The following PIM2 variants were observed in gnomAD, a reference collection of about 807,000 sequenced individuals.
The protein encoded by PIM2 is Pim-2 proto-oncogene, serine/threonine kinase, also known as serine/threonine-protein kinase pim-2.
A neutral mutation model predicts 18.0 loss-of-function variants in PIM2; 3 were observed. The observed-to-expected ratio is 0.17, with a 90% CI of 0.08 to 0.43. The LOEUF is 0.43. Ranked by LOEUF, PIM2 falls within the 20% of genes least tolerant of loss-of-function variation. The pLI is 0.99. For missense variants in PIM2, 181 were observed against 260.8 expected (o/e 0.69, Z 2.11); for synonymous variants, 117 against 105.3 (o/e 1.11, Z -0.68).
rs1013178444 is a variant in PIM2 at position 48,914,063 on chromosome X, C to T, written c.*68G>A. ...TAAAACCAAGTCAACAAATGTCCAT[C>T]TATCCCTGTGACATGGCCATGGGAT... is the stretch of plus-strand genomic sequence containing the variant. On this transcript the variant is annotated 3_prime_UTR_variant, in exon 6 of 6. Transcript: ENST00000376509. The T allele has an allele frequency of 6.2e-6, 4 of 646,585 alleles. No homozygotes were observed. The highest frequency in any genetic ancestry group is 4.1e-5 in the Admixed American group (1 of 24,400). 53.3% of individuals were successfully genotyped at this position (646,585 alleles called of 1,213,427 possible). A position where few individuals can be genotyped will look rare whatever the true frequency, so the allele number is the denominator to read the frequency against.
chrX:48,918,743 G>A, intron 1 of PIM2, 31 bp downstream of exon 1: 1 of 1,172,106 alleles, frequency 8.5e-7, no homozygotes, highest in Non-Finnish European at 1.2e-6. Context: ...AGCCCACCCC[G>A]TCTGGTTGCA....
Position 48,913,599 on chromosome X carries a change from A to G in PIM2, c.*532T>C, listed in dbSNP as rs1445370496. Reference sequence around the variant, plus strand: ...AGAAGCCTTGGGGTAACAACAGGGCATTACCTCCCCCAGAATAAAGAATCC... The same window carrying G: ...AGAAGCCTTGGGGTAACAACAGGGCGTTACCTCCCCCAGAATAAAGAATCC... On this transcript the variant is annotated 3_prime_UTR_variant, in exon 6 of 6. Coordinates refer to ENST00000376509, the MANE Select transcript of PIM2 (RefSeq NM_006875.4). 1 of 106,322 alleles carries G rather than the reference A, an allele frequency of 9.4e-6. No individual in the cohort carries two copies. The highest frequency in any genetic ancestry group is 1.9e-5 in the Non-Finnish European group (1 of 51,663). 8.8% of individuals were successfully genotyped at this position (106,322 alleles called of 1,213,427 possible).
Position 48,918,938 on chromosome X carries a change from G to T in PIM2, c.-104C>A. The T allele has an allele frequency of 1.5e-6, 1 of 678,418 alleles. No homozygotes were observed. The highest frequency in any genetic ancestry group is 2.2e-6 in the Non-Finnish European group (1 of 453,633). 55.9% of individuals were successfully genotyped at this position (678,418 alleles called of 1,213,427 possible). ...GGAGCCAGGGCTGGGGGGCGCCAGG[G>T]TGGAAAGCAGAGAAACTGGTGGCCC... On this transcript the variant is annotated 5_prime_UTR_variant, in exon 1 of 6. Transcript: ENST00000376509.
At chrX:48,915,488 C>T (rs2063560761) in intron 3 of PIM2, 96 bp from the exon 4 acceptor site, 1 of 880,119 alleles carries the variant, frequency 1.1e-6, no homozygotes, top group African/African-American at 2.0e-5. Context: ...ACTCAGGGCC[C>T]CTTTTCCTGA....
rs1360668114 is a variant in PIM2 at position 48,913,604 on chromosome X, C to G, written c.*527G>C. ...CCTTGGGGTAACAACAGGGCATTACCTCCCCCAGAATAAAGAATCCTGGGC... is the reference window on the plus strand; with the variant it reads ...CCTTGGGGTAACAACAGGGCATTACGTCCCCCAGAATAAAGAATCCTGGGC... On this transcript the variant is annotated 3_prime_UTR_variant, in exon 6 of 6. Coordinates refer to ENST00000376509, the MANE Select transcript of PIM2 (RefSeq NM_006875.4). The G allele has an allele frequency of 9.3e-6, 1 of 107,039 alleles. No individual in the cohort carries two copies. The highest frequency in any genetic ancestry group is 1.9e-5 in the Non-Finnish European group (1 of 51,870). 8.8% of individuals were successfully genotyped at this position (107,039 alleles called of 1,213,427 possible). A position where few individuals can be genotyped will look rare whatever the true frequency, so the allele number is the denominator to read the frequency against.
At chrX:48,915,723 C>A in intron 3 of PIM2, 1 of 181,116 alleles carries the variant, frequency 5.5e-6, no homozygotes, top group Non-Finnish European at 1.0e-5. Flanking sequence ...ATTGCTTGAG[C>A]CCAAGAGTTC....
intron 3 of PIM2, among the ~76,000 whole-genome samples, chrX:48,916,588 C>T (rs1411575671): frequency 8.9e-6 from 1 of 112,443 alleles, no homozygotes; most frequent in South Asian, 3.6e-4. Context: ...GTGGCTCACG[C>T]CTGTAATCCC....
At chrX:48,917,227 T>A in intron 3 of PIM2, among the ~76,000 whole-genome samples, 1 of 109,533 alleles carries the variant, frequency 9.1e-6, no homozygotes, top group Admixed American at 9.6e-5. Flanking sequence ...CCTGCGCAGG[T>A]ACACTTCGAG....
At chrX:48,915,616 C>T (rs1349401357) in intron 3 of PIM2, 4 of 385,288 alleles carry the variant, frequency 1.0e-5, no homozygotes, top group South Asian at 9.6e-5. Context: ...TCTCGCATGT[C>T]GTAGATCAAT....
intron 2 of PIM2, 125 bp downstream of exon 2, chrX:48,918,411 A>T (rs1483669696): frequency 6.5e-6 from 3 of 464,349 alleles, no homozygotes; most frequent in Non-Finnish European, 1.1e-5. Context: ...ACGGACACAC[A>T]CACACACACA....
At chrX:48,914,635 T>A (rs2147506163) in intron 4 of PIM2, 64 bp from the exon 5 acceptor site, 3 of 1,005,669 alleles carry the variant, frequency 3.0e-6, no homozygotes, top group East Asian at 6.4e-5. Context: ...CCCCAAACTC[T>A]CCAGGAAGGA....
rs1557045265 is a variant in PIM2 at position 48,916,717 on chromosome X, G to A, written c.222+1064C>T. On this transcript the variant is annotated intron_variant, in intron 3 of 5. Coordinates refer to ENST00000376509, the MANE Select transcript of PIM2 (RefSeq NM_006875.4). ...GTAAAACTTAGCCGGGCATGGCAGC[G>A]GGTGCCTGTAATTCCAGCTACTCAG... Among the ~76,000 whole-genome samples the A allele has an allele frequency of 5.4e-5, 6 of 111,114 alleles. No homozygotes were observed. In the South Asian group the frequency reaches 1.9e-3, roughly 34 times the overall value.
intron 2 of PIM2, among the ~76,000 whole-genome samples, chrX:48,918,262 C>T (rs1239963230): frequency 9.8e-6 from 1 of 102,222 alleles, no homozygotes; most frequent in African/African-American, 3.6e-5. Context: ...CAGCCTGGAC[C>T]CCGGGGTCAA....
At chrX:48,915,477 A>G (rs1161548375) in intron 3 of PIM2, 85 bp from the exon 4 acceptor site, 14 of 935,918 alleles carry the variant, frequency 1.5e-5, no homozygotes, top group Non-Finnish European at 2.0e-5. Context: ...ACCTAAGCTC[A>G]ACTCAGGGCC....
At position 48,918,612 on chromosome X, in the gene PIM2, T is replaced by C. The variant is rs1557045550; in HGVS notation, c.95A>G (p.Tyr32Cys). ...GKDREAFEAEYRLGPLLGKGG... is the reference protein window; with the variant it reads ...GKDREAFEAECRLGPLLGKGG... ...CTTACCCAGGAGGGGGCCGAGTCGA[T>C]ACTCGGCCTCGAACGCTTCCCGATC... The change falls in exon 2 of 6, where the codon TAT (tyrosine) becomes TGT (cysteine). Residue 32 changes from tyrosine to cysteine, a missense_variant. Physicochemically the swap from Tyr to Cys is radical, Grantham distance 194. Coordinates refer to ENST00000376509, the MANE Select transcript of PIM2 (RefSeq NM_006875.4). The C allele has an allele frequency of 8.3e-7, 1 of 1,203,898 alleles. No homozygotes were observed. Among genetic ancestry groups the C allele is most frequent in the Admixed American group, 2.2e-5 (1 of 45,734 alleles).
chrX:48,918,298 G>GCCCCCCCCCCCCCCCCCCCCCCCCCCCC (rs11361543), intron 2 of PIM2, among the ~76,000 whole-genome samples: 2 of 24,999 alleles, frequency 8.0e-5, no homozygotes, highest in African/African-American at 2.2e-4. Context: ...GAAGCCCCCT[G>GCCCCCCCCCCCCCCCCCCCCCCCCCCCC]CCCCCCCCCC....
intron 3 of PIM2, among the ~76,000 whole-genome samples, chrX:48,916,826 C>G (rs1281645604): frequency 9.4e-6 from 1 of 106,847 alleles, no homozygotes; most frequent in East Asian, 2.9e-4. Flanking sequence ...CCAGCCCAGG[C>G]AGCAGAGCGA....
chrX:48,918,996 T>A lies in PIM2; in HGVS notation c.-162A>T. On this transcript the variant is annotated 5_prime_UTR_variant, in exon 1 of 6. Transcript: ENST00000376509. ...CCCGCAGACGGCGCAGCGTTGAGAT[T>A]CGCCGCGCGCGCCAGCCCCAATGCT... 2.3e-6 allele frequency: 1 copy of A among 444,280 alleles called. No homozygotes were observed. The highest frequency in any genetic ancestry group is 3.8e-5 in the South Asian group (1 of 26,547). 36.6% of individuals were successfully genotyped at this position (444,280 alleles called of 1,213,427 possible). A position where few individuals can be genotyped will look rare whatever the true frequency, so the allele number is the denominator to read the frequency against.
At chrX:48,918,297 T>TC (rs2063568718) in intron 2 of PIM2, among the ~76,000 whole-genome samples, 2 of 7,083 alleles carry the variant, frequency 2.8e-4, no homozygotes, top group Non-Finnish European at 2.3e-4. Flanking sequence ...TGAAGCCCCC[T>TC]GCCCCCCCCC....
Sources: gnomAD v4.1 joint callset for allele counts (sites outside exome capture counted in the v4.1 genomes callset) on GRCh38, gnomAD v4.1.1 for gene constraint, MANE v1.5 for transcripts, NCBI Gene and HGNC (gene_info 2026-07-23, HGNC 2026-07-21) for gene names.